The following ABCC3 variants were observed in gnomAD, a reference collection of about 807,000 sequenced individuals.
ABCC3 encodes ATP-binding cassette sub-family C member 3.
ABCC3 carries 121 observed loss-of-function variants against 165.3 expected under a neutral mutation model. The observed-to-expected ratio is 0.73, with a 90% CI of 0.63 to 0.85. The LOEUF is 0.85. Ranked by LOEUF, ABCC3 falls within the 40% of genes least tolerant of loss-of-function variation. The probability of loss-of-function intolerance (pLI) is 0.00; values close to 1 mark genes in which losing one functional copy is unlikely to be tolerated. For missense variants in ABCC3, 1,869 were observed against 1,964.1 expected (o/e 0.95, Z 0.92); for synonymous variants, 733 against 810.1 (o/e 0.90, Z 1.62).
intron 1 of ABCC3, chr17:50,635,877 T>C (rs2054175011): frequency 2.9e-6 from 1 of 342,474 alleles, no homozygotes; most frequent in Non-Finnish European, 5.3e-6. Flanking sequence ...AGTGAGACCC[T>C]GTCTCTAAAA....
intron 1 of ABCC3, among the ~76,000 whole-genome samples, chr17:50,644,303 TC>T (rs1966954780): frequency 1.3e-5 from 1 of 74,652 alleles, no homozygotes; most frequent in Non-Finnish European, 2.5e-5. Context: ...AGAGCCAGAC[TC>T]CGTCTCAAAA....
intron 1 of ABCC3, among the ~76,000 whole-genome samples, chr17:50,640,739 T>G (rs918303676): frequency 4.6e-5 from 7 of 152,206 alleles, no homozygotes; most frequent in Non-Finnish European, 5.9e-5. Flanking sequence ...GCCAGGCTGG[T>G]CGCAGACTCC....
At chr17:50,654,039 C>CT (rs995337372) in intron 1 of ABCC3, among the ~76,000 whole-genome samples, 7 of 152,098 alleles carry the variant, frequency 4.6e-5, no homozygotes, top group Non-Finnish European at 1.0e-4. Context: ...AAGGAGGCAG[C>CT]TTAAGGCCAA....
intron 30 of ABCC3, among the ~76,000 whole-genome samples, chr17:50,690,335 G>A (rs1423173762): frequency 2.0e-5 from 3 of 151,858 alleles, no homozygotes; most frequent in East Asian, 1.9e-4. Flanking sequence ...GGTTGGGATC[G>A]GCGGGAGGGG....
intron 1 of ABCC3, chr17:50,635,860 G>T (rs2054174768): frequency 4.9e-6 from 2 of 407,800 alleles, no homozygotes; most frequent in African/African-American, 4.0e-5. Context: ...TGTGGCCTGG[G>T]CGAAAGAGTG....
intron 19 of ABCC3, chr17:50,674,501 T>C (rs1967759678): frequency 6.6e-6 from 1 of 152,234 alleles, no homozygotes; most frequent in South Asian, 2.1e-4. Flanking sequence ...CCAAAATTTA[T>C]TGGACAATCA....
chr17:50,671,959 T>C (rs946539213), intron 17 of ABCC3, among the ~76,000 whole-genome samples: 4 of 151,988 alleles, frequency 2.6e-5, no homozygotes, highest in African/African-American at 7.3e-5. Context: ...TGACTTCAAA[T>C]GATCCACCCA....
chr17:50,676,034 G>A lies in ABCC3; in HGVS notation c.3011G>A (p.Arg1004Lys), dbSNP rs1967795765. The A allele has an allele frequency of 1.2e-6, 2 of 1,614,094 alleles. No individual in the cohort carries two copies. The highest frequency in any genetic ancestry group is 1.7e-6 in the Non-Finnish European group (2 of 1,180,050). Residue 1004 changes from arginine (R) to lysine (K), a missense_variant, in exon 22 of 31, where the codon AGA becomes AAA. Coordinates refer to ENST00000285238, the MANE Select transcript of ABCC3 (RefSeq NM_003786.4). ...AWTNDAMADS[R>K]QNNTSLRLGV... is the part of the protein sequence containing the mutation. Reference sequence around the variant, plus strand: ...ACAAATGATGCCATGGCAGACAGTAGACAGAACAACACTTCCCTGAGGCTG... The same window carrying A: ...ACAAATGATGCCATGGCAGACAGTAAACAGAACAACACTTCCCTGAGGCTG...
rs930362357 is a variant in ABCC3, at chr17:50,673,306, C to T, written c.2410-163C>T. The T allele has an allele frequency of 2.4e-5, 30 of 1,226,760 alleles. No individual in the cohort carries two copies. The East Asian group carries it at 4.5e-4, about 19-fold the overall frequency. 76.0% of individuals were successfully genotyped at this position (1,226,760 alleles called of 1,614,324 possible). ...CCTGTGGGGACAACTCCCCCACCTG[C>T]GAGGTTCTGAGCAGGCTGTGGCGAG... On this transcript the variant is annotated intron_variant, in intron 18 of 30. Coordinates refer to ENST00000285238, the MANE Select transcript of ABCC3 (RefSeq NM_003786.4).
intron 19 of ABCC3, among the ~76,000 whole-genome samples, chr17:50,673,977 T>TTTCTTTCCTTCCTTCC (rs1967724415): frequency 7.0e-5 from 1 of 14,236 alleles, no homozygotes; most frequent in African/African-American, 3.3e-4. Context: ...TCTTTCTTTC[T>TTTCTTTCCTTCCTTCC]TTCTCTCTCT....
intron 28 of ABCC3, among the ~76,000 whole-genome samples, 195 bp from the exon 29 acceptor site, chr17:50,684,514 C>T (rs371351998): frequency 6.6e-6 from 1 of 152,268 alleles, no homozygotes; most frequent in South Asian, 2.1e-4. Context: ...CAGAGGTCTT[C>T]GTGATTGGCA....
chr17:50,656,701 G>C lies in ABCC3; in HGVS notation c.223-1G>C. 1 of 1,611,626 alleles carries C rather than the reference G, an allele frequency of 6.2e-7. No homozygotes were observed. The highest frequency in any genetic ancestry group is 8.5e-7 in the Non-Finnish European group (1 of 1,178,950). ...GATTCCAACCTGTGCTCTCTTCGCA[G>C]GTCCTGGGTGTCCTGCTGTGGTGCG... is the stretch of plus-strand genomic sequence containing the variant. On this transcript the variant is annotated splice_acceptor_variant, in intron 2 of 30. Coordinates refer to ENST00000285238, the MANE Select transcript of ABCC3 (RefSeq NM_003786.4). LOFTEE classifies it high-confidence loss of function.
At chr17:50,684,984 T>G in intron 29 of ABCC3, 109 bp downstream of exon 29, 2 of 1,224,870 alleles carry the variant, frequency 1.6e-6, no homozygotes, top group Non-Finnish European at 2.3e-6. Flanking sequence ...AGCCCGGATG[T>G]GCACAGGGCT....
chr17:50,648,942 C>CCAT (rs34582346), intron 1 of ABCC3, among the ~76,000 whole-genome samples: 96,966 of 151,338 alleles, frequency 0.64, 32,005 homozygotes, highest in Non-Finnish European at 0.73. Flanking sequence ...TGGCAAAACC[C>CCAT]CTCTACTAAA....
intron 17 of ABCC3, among the ~76,000 whole-genome samples, chr17:50,671,795 C>T (rs555600418): frequency 7.1e-6 from 1 of 141,834 alleles, no homozygotes; most frequent in Non-Finnish European, 1.5e-5. Flanking sequence ...GATCTTGGCT[C>T]ACTGCAACCT....
intron 29 of ABCC3, among the ~76,000 whole-genome samples, chr17:50,685,296 C>T (rs1221557551): frequency 6.6e-6 from 1 of 152,220 alleles, no homozygotes; most frequent in African/African-American, 2.4e-5. Flanking sequence ...GTAGTCACCT[C>T]TTACTGAGTC....
intron 1 of ABCC3, among the ~76,000 whole-genome samples, chr17:50,646,960 C>G (rs112600641): frequency 6.6e-6 from 1 of 152,204 alleles, no homozygotes; most frequent in East Asian, 1.9e-4. Flanking sequence ...CTCACTGCAA[C>G]CTCCGCCTCC....
chr17:50,691,071 A>G (rs763386914), intron 30 of ABCC3, 21 bp from the exon 31 acceptor site: 2 of 1,593,728 alleles, frequency 1.3e-6, no homozygotes, highest in East Asian at 2.2e-5. Flanking sequence ...AAACCTGACC[A>G]CTTCTCTCTT....
chr17:50,660,814 G>C, intron 7 of ABCC3, 109 bp from the exon 8 acceptor site: 1 of 870,586 alleles, frequency 1.1e-6, no homozygotes, highest in Non-Finnish European at 1.7e-6. Context: ...TGAGAGCCAA[G>C]AAAACAGCTC....
Sources: allele counts gnomAD v4.1 joint callset (sites outside exome capture counted in the v4.1 genomes callset), GRCh38; gene constraint gnomAD v4.1.1; transcripts MANE v1.5; gene names NCBI Gene and HGNC (gene_info 2026-07-23, HGNC 2026-07-21).